The following DGLUCY variants were observed in gnomAD, a reference collection of about 807,000 sequenced individuals.
The protein encoded by DGLUCY is D-glutamate cyclase.
DGLUCY carries 58 observed loss-of-function variants against 58.5 expected under a neutral mutation model. The ratio of observed to expected loss-of-function variants is 0.99; its 90% CI spans 0.80 to 1.23. DGLUCY has a LOEUF of 1.23. Ranked by LOEUF, DGLUCY falls within the 50% of genes most tolerant of loss-of-function variation. DGLUCY has a pLI of 0.00. For synonymous variants in DGLUCY, 325 were observed against 314.1 expected, an observed-to-expected ratio of 1.03 and a Z score of -0.37; for missense variants, 779 against 784.7, an observed-to-expected ratio of 0.99 and a Z score of 0.09.
chr14:91,132,425 G>C (rs548379412), intron 1 of DGLUCY, among the ~76,000 whole-genome samples: 4 of 151,906 alleles, frequency 2.6e-5, no homozygotes, highest in South Asian at 4.2e-4. Context: ...AATTAGCTTA[G>C]CATGGTGGTG....
intron 9 of DGLUCY, among the ~76,000 whole-genome samples, chr14:91,190,341 C>A (rs867097405): frequency 1.3e-5 from 2 of 152,166 alleles, no homozygotes. Flanking sequence ...GTCCTGCCCC[C>A]ACGGAGAGTA....
At chr14:91,170,329 C>CT in intron 5 of DGLUCY, 128 bp downstream of exon 5, 2 of 1,047,760 alleles carry the variant, frequency 1.9e-6, no homozygotes, top group Non-Finnish European at 2.7e-6. Context: ...CCAGCTCAGC[C>CT]ATTTCTAGCT....
intron 1 of DGLUCY, among the ~76,000 whole-genome samples, chr14:91,118,185 A>G (rs138337449): frequency 6.8e-6 from 1 of 147,952 alleles, no homozygotes; most frequent in African/African-American, 2.5e-5. Context: ...GGTTCAAGCG[A>G]TTCACCTCCT....
Position 91,167,244 on chromosome 14 carries a change from G to A in DGLUCY, c.123G>A (p.Leu41=), listed in dbSNP as rs1448467262. 6.3e-7 allele frequency: 1 copy of A among 1,597,506 alleles called. No individual in the cohort carries two copies. Among genetic ancestry groups the A allele is most frequent in the Non-Finnish European group, 8.5e-7 (1 of 1,175,506 alleles). The change falls in exon 4 of 14, where the codon CTG becomes CTA. Residue 41 remains leucine (L), a synonymous_variant. Transcript: ENST00000256324. The part of the protein sequence containing the change: ...SMAGELRPAS[L]VVLPRSLAPA... ...ACCCAGAGCTCCGACCAGCCAGCCTGGTGGTCCTGCCCAGGTCCCTTGCTC... is the reference window on the plus strand; with the variant it reads ...ACCCAGAGCTCCGACCAGCCAGCCTAGTGGTCCTGCCCAGGTCCCTTGCTC...
intron 13 of DGLUCY, among the ~76,000 whole-genome samples, chr14:91,221,341 C>G (rs1255623783): frequency 1.3e-5 from 2 of 152,070 alleles, no homozygotes; most frequent in Non-Finnish European, 2.9e-5. Context: ...GGAAGGCACT[C>G]AGGAAATGTT....
Position 91,199,792 on chromosome 14 carries a change from G to A in DGLUCY, c.1331G>A (p.Arg444Lys), listed in dbSNP as rs1259794785. 1.2e-6 allele frequency: 2 copies of A among 1,614,206 alleles called. No homozygotes were observed. Among genetic ancestry groups the A allele is most frequent in the Non-Finnish European group, 1.7e-6 (2 of 1,180,032 alleles). ...CTGGTGGCCATAGAGCGTGCCGGAAGAGCTGCTGATGGCAATTACTACAAT... is the reference window on the plus strand; with the variant it reads ...CTGGTGGCCATAGAGCGTGCCGGAAAAGCTGCTGATGGCAATTACTACAAT... Reference protein sequence around the residue: ...DHLVAIERAGRAADGNYYNAR... With the variant: ...DHLVAIERAGKAADGNYYNAR... The change falls in exon 11 of 14, where the codon AGA becomes AAA. Residue 444 changes from arginine (R) to lysine (K), a missense_variant. Transcript: ENST00000256324.
At chr14:91,154,425 C>G (rs2047499064) in intron 1 of DGLUCY, among the ~76,000 whole-genome samples, 1 of 152,112 alleles carries the variant, frequency 6.6e-6, no homozygotes, top group African/African-American at 2.4e-5. Context: ...AGAGGGATGA[C>G]TTTGGGTTCT....
At chr14:91,066,332 T>G (rs1326715249) in intron 1 of DGLUCY, among the ~76,000 whole-genome samples, 1 of 146,156 alleles carries the variant, frequency 6.8e-6, no homozygotes, top group Non-Finnish European at 1.5e-5. Flanking sequence ...GAGCTGAGAT[T>G]GCGCCATTGC....
intron 1 of DGLUCY, among the ~76,000 whole-genome samples, chr14:91,100,498 T>C (rs1057232550): frequency 6.6e-6 from 1 of 152,194 alleles, no homozygotes; most frequent in African/African-American, 2.4e-5. Context: ...GTGACTTCTC[T>C]CTGATTTCCA....
At chr14:91,108,044 G>A (rs914801810) in exon 1 of DGLUCY, 2 of 152,744 alleles carry the variant, frequency 1.3e-5, no homozygotes, top group Admixed American at 6.5e-5. Context: ...ATGAGAGCAG[G>A]AAGAGAAAAA....
intron 6 of DGLUCY, chr14:91,173,829 G>C (rs375200873): frequency 6.4e-6 from 1 of 155,690 alleles, no homozygotes; most frequent in African/African-American, 2.4e-5. Flanking sequence ...GGTTTTTACC[G>C]AGGCTTAATA....
intron 13 of DGLUCY, among the ~76,000 whole-genome samples, chr14:91,223,404 TC>T (rs1382021663): frequency 1.3e-5 from 2 of 152,148 alleles, no homozygotes; most frequent in Non-Finnish European, 1.5e-5. Context: ...TATTCTAGAT[TC>T]CTTAGGTCCC....
upstream of DGLUCY, among the ~76,000 whole-genome samples, chr14:91,113,526 C>A (rs984511115): frequency 6.6e-6 from 1 of 152,172 alleles, no homozygotes; most frequent in Non-Finnish European, 1.5e-5. Flanking sequence ...GTCAGAGCAG[C>A]CAAGCAAGAT....
intron 1 of DGLUCY, among the ~76,000 whole-genome samples, chr14:91,149,415 C>G (rs1016450734): frequency 2.0e-5 from 3 of 152,196 alleles, no homozygotes; most frequent in African/African-American, 7.2e-5. Context: ...AGCCCCCAGT[C>G]TCTCCAACCA....
intron 4 of DGLUCY, 121 bp from the exon 5 acceptor site, chr14:91,169,882 G>A: frequency 2.0e-6 from 2 of 1,023,026 alleles, no homozygotes; most frequent in Non-Finnish European, 2.9e-6. Flanking sequence ...CTACCCTGGT[G>A]CCAGGGCTGA....
intron 1 of DGLUCY, among the ~76,000 whole-genome samples, chr14:91,153,969 G>A (rs1229493569): frequency 2.0e-5 from 3 of 152,028 alleles, no homozygotes; most frequent in African/African-American, 4.8e-5. Flanking sequence ...GCAGTGGTGC[G>A]ATCTCGACTC....
At chr14:91,123,879 G>GT (rs1196427895) in intron 1 of DGLUCY, among the ~76,000 whole-genome samples, 2 of 147,652 alleles carry the variant, frequency 1.4e-5, no homozygotes, top group African/African-American at 5.0e-5. Flanking sequence ...CATCCAGCCT[G>GT]TTTTTTTCAA....
At chr14:91,094,165 G>A (rs545772603) in intron 1 of DGLUCY, among the ~76,000 whole-genome samples, 17 of 152,260 alleles carry the variant, frequency 1.1e-4, no homozygotes, top group African/African-American at 2.9e-4. Flanking sequence ...GGCTGGGCAC[G>A]GTAGCTCACG....
intron 1 of DGLUCY, among the ~76,000 whole-genome samples, chr14:91,138,880 C>T (rs954728339): frequency 5.9e-5 from 9 of 152,050 alleles, no homozygotes; most frequent in African/African-American, 2.2e-4. Flanking sequence ...TATTGGCCTT[C>T]GAGACCATGA....
Sources: gnomAD v4.1 joint callset for allele counts (sites outside exome capture counted in the v4.1 genomes callset) on GRCh38, gnomAD v4.1.1 for gene constraint, MANE v1.5 for transcripts, NCBI Gene and HGNC (gene_info 2026-07-23, HGNC 2026-07-21) for gene names.